Variants in CEP63 observed in about 807,000 individuals in gnomAD.
CEP63 encodes the protein centrosomal protein 63.
A neutral mutation model predicts 89.1 loss-of-function variants in CEP63; 84 were observed. The ratio of observed to expected loss-of-function variants is 0.94; its 90% CI spans 0.79 to 1.13. The LOEUF is 1.13. CEP63 is among the 50% of genes most tolerant of loss of function. The probability of loss-of-function intolerance (pLI) is 0.00; values close to 1 mark genes in which losing one functional copy is unlikely to be tolerated. For synonymous variants in CEP63, 267 were observed against 272.5 expected, an observed-to-expected ratio of 0.98 and a Z score of 0.20; for missense variants, 838 against 813.3, an observed-to-expected ratio of 1.03 and a Z score of -0.37.
chr3:134,720,496 G>C, the CEP63 span, among the ~76,000 whole-genome samples: 2 of 151,926 alleles, frequency 1.3e-5, no homozygotes, highest in Non-Finnish European at 2.9e-5. Context: ...TTTTTCCTTT[G>C]CTGCTTGTGC....
At chr3:134,577,371 C>G (rs183183290), downstream of CEP63, among the ~76,000 whole-genome samples, 1 of 150,582 alleles carries the variant, frequency 6.6e-6, no homozygotes, top group African/African-American at 2.4e-5. Context: ...ATCATATATG[C>G]TTCACACTTG....
downstream of CEP63, among the ~76,000 whole-genome samples, chr3:134,579,864 G>A (rs1056688000): frequency 2.6e-4 from 40 of 152,126 alleles, no homozygotes; most frequent in Admixed American, 7.2e-4. Context: ...CAATACAAAG[G>A]AATGAAGTAC....
chr3:134,490,014 T>C (rs950244081), intron 1 of CEP63, among the ~76,000 whole-genome samples: 19 of 152,200 alleles, frequency 1.2e-4, no homozygotes, highest in Non-Finnish European at 2.5e-4. Context: ...GTAAATAATT[T>C]TCCTGGCTCA....
the CEP63 span, among the ~76,000 whole-genome samples, chr3:134,683,189 C>A: frequency 1.3e-5 from 2 of 152,208 alleles, no homozygotes; most frequent in African/African-American, 4.8e-5. Context: ...TTTGCTAAAG[C>A]AAAGAGGCCT....
At chr3:134,679,603 T>C in the CEP63 span, among the ~76,000 whole-genome samples, 5 of 152,262 alleles carry the variant, frequency 3.3e-5, no homozygotes, top group Admixed American at 1.3e-4. Context: ...CAATTTCATA[T>C]GTTGTAGTCT....
chr3:134,574,634 G>A (rs746501739), intron 11 of CEP63, among the ~76,000 whole-genome samples: 2 of 152,040 alleles, frequency 1.3e-5, no homozygotes, highest in Non-Finnish European at 2.9e-5. Flanking sequence ...TGGTTATAGA[G>A]TCCCACTCTG....
chr3:134,781,628 C>T, the CEP63 span, among the ~76,000 whole-genome samples: 1 of 152,200 alleles, frequency 6.6e-6, no homozygotes, highest in Non-Finnish European at 1.5e-5. Context: ...TGTACATGTA[C>T]TCCTGGAACC....
the CEP63 span, chr3:134,643,354 G>A: frequency 1.9e-6 from 3 of 1,613,798 alleles, no homozygotes; most frequent in East Asian, 2.2e-5. Context: ...GGGCTGCTGA[G>A]GGTGCTGCTT....
chr3:134,729,828 C>T, the CEP63 span, among the ~76,000 whole-genome samples: 12 of 152,226 alleles, frequency 7.9e-5, no homozygotes, highest in East Asian at 5.8e-4. Context: ...AGGGGCAGGG[C>T]GGGTTGTGTG....
intron 3 of CEP63, among the ~76,000 whole-genome samples, chr3:134,525,313 G>A (rs7637227): frequency 0.66 from 100,471 of 151,942 alleles, 33,597 homozygotes; most frequent in East Asian, 0.81. Context: ...ATTTTTTCAA[G>A]AAATCAGCTT....
chr3:134,556,335 G>A (rs1291986955), intron 12 of CEP63, among the ~76,000 whole-genome samples: 4 of 152,010 alleles, frequency 2.6e-5, no homozygotes, highest in Admixed American at 1.3e-4. Flanking sequence ...GAGTGAACAG[G>A]CAACCTACAA....
the CEP63 span, among the ~76,000 whole-genome samples, chr3:134,665,702 C>CACACACACACAGAGAG: frequency 9.8e-6 from 1 of 102,324 alleles, no homozygotes; most frequent in African/African-American, 4.0e-5. Context: ...CACACACACA[C>CACACACACACAGAGAG]AGAGAGAGAG....
At chr3:134,552,628 A>G (rs770878879) in intron 12 of CEP63, 1 of 152,112 alleles carries the variant, frequency 6.6e-6, no homozygotes, top group Non-Finnish European at 1.5e-5. Context: ...TAAGTATGCA[A>G]TACATCCTAG....
chr3:134,710,057 G>A, the CEP63 span, among the ~76,000 whole-genome samples: 1 of 152,230 alleles, frequency 6.6e-6, no homozygotes, highest in African/African-American at 2.4e-5. Flanking sequence ...GGTGTTCAGA[G>A]GTCTGGGGCC....
intron 12 of CEP63, among the ~76,000 whole-genome samples, chr3:134,554,445 GGT>G (rs1421255017): frequency 6.9e-6 from 1 of 145,206 alleles, no homozygotes; most frequent in Non-Finnish European, 1.5e-5. Flanking sequence ...AGTATTCCAT[GGT>G]GTATATGTGC....
the CEP63 span, among the ~76,000 whole-genome samples, chr3:134,700,121 C>T: frequency 6.6e-6 from 1 of 152,258 alleles, no homozygotes; most frequent in African/African-American, 2.4e-5. Context: ...GTACTGAGTT[C>T]CTCCAACCCA....
intron 6 of CEP63, among the ~76,000 whole-genome samples, chr3:134,539,610 T>C (rs1276637832): frequency 6.6e-6 from 1 of 152,204 alleles, no homozygotes; most frequent in East Asian, 1.9e-4. Flanking sequence ...GTATTGCATT[T>C]GGTTGAAAGG....
chr3:134,717,163 T>C, the CEP63 span, among the ~76,000 whole-genome samples: 332 of 152,262 alleles, frequency 2.2e-3, 1 homozygote, highest in African/African-American at 7.8e-3. Context: ...ATACTGAGTG[T>C]GGAGATTCGA....
the CEP63 span, among the ~76,000 whole-genome samples, chr3:134,734,411 T>C: frequency 6.6e-6 from 1 of 152,192 alleles, no homozygotes; most frequent in Non-Finnish European, 1.5e-5. Flanking sequence ...TATAGTATTC[T>C]TGAAATGACA....
Sources: gnomAD v4.1 joint callset for allele counts (sites outside exome capture counted in the v4.1 genomes callset) on GRCh38, gnomAD v4.1.1 for gene constraint, MANE v1.5 for transcripts, NCBI Gene and HGNC (gene_info 2026-07-23, HGNC 2026-07-21) for gene names.